NAV3: variants seen among roughly 807,000 people sequenced by gnomAD.
The protein encoded by NAV3 is pore membrane and/or filament interacting like protein 1.
Under a neutral mutation model 244.7 loss-of-function variants are expected in NAV3, and 87 were observed. That is an observed-to-expected ratio of 0.36 (90% CI 0.30 to 0.42). NAV3 has a LOEUF of 0.42. NAV3 is among the 20% of genes least tolerant of loss of function. NAV3 has a pLI of 1.00. For missense variants in NAV3, 2,663 were observed against 2,893.3 expected (o/e 0.92, Z 1.83); for synonymous variants, 1,126 against 1,042.2 (o/e 1.08, Z -1.55).
chr12:77,845,281 T>G (rs1349854044), intron 1 of NAV3, among the ~76,000 whole-genome samples: 1 of 152,172 alleles, frequency 6.6e-6, no homozygotes, highest in East Asian at 1.9e-4. Context: ...AGAGCTCAGA[T>G]GGGTTTGTGC....
intron 12 of NAV3, among the ~76,000 whole-genome samples, chr12:78,112,433 G>C (rs1256978366): frequency 6.6e-6 from 1 of 152,156 alleles, no homozygotes; most frequent in East Asian, 1.9e-4. Context: ...GAAAGAAAGA[G>C]GTTTAATTGA....
At chr12:77,604,629 T>G (rs1337028312) in intron 2 of NAV3, among the ~76,000 whole-genome samples, 1 of 151,986 alleles carries the variant, frequency 6.6e-6, no homozygotes, top group Non-Finnish European at 1.5e-5. Flanking sequence ...AGATACAAAT[T>G]GGGCACTGAA....
intron 1 of NAV3, among the ~76,000 whole-genome samples, chr12:77,911,630 AGATG>A (rs1181349570): frequency 1.3e-5 from 2 of 152,152 alleles, no homozygotes; most frequent in Non-Finnish European, 2.9e-5. Flanking sequence ...AAATACCTAC[AGATG>A]GATGGAGTGA....
chr12:77,607,598 A>G (rs946756518), intron 2 of NAV3, among the ~76,000 whole-genome samples: 2 of 152,080 alleles, frequency 1.3e-5, no homozygotes, highest in African/African-American at 4.8e-5. Flanking sequence ...AGCCAAAACC[A>G]GTATGGTGGG....
Position 77,738,574 on chromosome 12 carries a change from TACAC to T in NAV3, c.72+166313_72+166316del, listed in dbSNP as rs527241276. On this transcript the variant is annotated intron_variant, in intron 2 of 8. Transcript: ENST00000550042. ...ATACACACTCTCACATATACTCACA[TACAC>T]ACACGTTGATTTGAATGATGATTAC... 1.3e-4 allele frequency among the ~76,000 whole-genome samples: 20 copies of T among 152,346 alleles called. No homozygotes were observed. In the South Asian group the frequency reaches 3.9e-3, roughly 30 times the overall value.
At chr12:78,014,497 T>G (rs1593280947) in intron 8 of NAV3, among the ~76,000 whole-genome samples, 1 of 151,998 alleles carries the variant, frequency 6.6e-6, no homozygotes, top group Non-Finnish European at 1.5e-5. Context: ...GAATTTAGAG[T>G]TTTTCCTTCT....
chr12:77,758,349 A>G (rs1005717419), intron 2 of NAV3, among the ~76,000 whole-genome samples: 1 of 152,186 alleles, frequency 6.6e-6, no homozygotes, highest in Admixed American at 6.5e-5. Context: ...TATTTTGTTC[A>G]TTGTACAGCC....
chr12:77,862,951 T>C (rs1011606802), intron 1 of NAV3, among the ~76,000 whole-genome samples: 2 of 151,742 alleles, frequency 1.3e-5, no homozygotes, highest in Admixed American at 6.6e-5. Flanking sequence ...TGGAATAAAG[T>C]GTTCCATTTC....
intron 5 of NAV3, among the ~76,000 whole-genome samples, chr12:77,991,246 A>C (rs946164258): frequency 1.6e-4 from 24 of 151,888 alleles, no homozygotes; most frequent in African/African-American, 5.8e-4. Flanking sequence ...GGCTGGTCTC[A>C]AAATCCTGAC....
chr12:78,172,423 C>T (rs1329315171), intron 24 of NAV3, among the ~76,000 whole-genome samples: 4 of 151,468 alleles, frequency 2.6e-5, no homozygotes, highest in Non-Finnish European at 4.4e-5. Flanking sequence ...AAAATAGATA[C>T]GGTCTTTGTC....
At chr12:78,117,956 AT>A in intron 13 of NAV3, 70 bp from the exon 14 acceptor site, 1 of 1,373,460 alleles carries the variant, frequency 7.3e-7, no homozygotes, top group Non-Finnish European at 9.7e-7. Flanking sequence ...CTGAAAGTAC[AT>A]TTCATTGCCT....
intron 2 of NAV3, among the ~76,000 whole-genome samples, chr12:77,696,772 A>C (rs1461928227): frequency 6.6e-6 from 1 of 152,106 alleles, no homozygotes; most frequent in Non-Finnish European, 1.5e-5. Flanking sequence ...TAGGCTTCCT[A>C]CTCTCATTGT....
At chr12:78,164,940 A>G (rs529047240) in intron 23 of NAV3, among the ~76,000 whole-genome samples, 1 of 152,094 alleles carries the variant, frequency 6.6e-6, no homozygotes, top group Non-Finnish European at 1.5e-5. Flanking sequence ...GAAAGAGATC[A>G]GGTATAGTTA....
chr12:77,931,912 TTGTGTG>T (rs10618242), intron 1 of NAV3, among the ~76,000 whole-genome samples: 4 of 150,570 alleles, frequency 2.7e-5, no homozygotes, highest in African/African-American at 4.9e-5. Flanking sequence ...GCGTGTGTGT[TTGTGTG>T]TGTGTGTGTG....
At chr12:78,165,316 C>T (rs1957733107) in intron 23 of NAV3, among the ~76,000 whole-genome samples, 1 of 151,912 alleles carries the variant, frequency 6.6e-6, no homozygotes, top group South Asian at 2.1e-4. Flanking sequence ...ATTATCCCAG[C>T]CTCAATCTTC....
chr12:77,757,103 T>C (rs1035477239), intron 2 of NAV3, among the ~76,000 whole-genome samples: 6 of 152,306 alleles, frequency 3.9e-5, no homozygotes, highest in East Asian at 1.9e-4. Flanking sequence ...CCTCTTAAAG[T>C]CTTTTTCATC....
chr12:77,958,317 T>G (rs1292084519), intron 3 of NAV3, among the ~76,000 whole-genome samples: 1 of 152,188 alleles, frequency 6.6e-6, no homozygotes, highest in African/African-American at 2.4e-5. Context: ...GTCTCGAAAT[T>G]GATCTCTGTA....
At chr12:78,042,531 G>T (rs535288040) in intron 9 of NAV3, among the ~76,000 whole-genome samples, 1 of 152,160 alleles carries the variant, frequency 6.6e-6, no homozygotes, top group African/African-American at 2.4e-5. Context: ...GGTGGCTCAC[G>T]CCTGAAATCC....
At chr12:77,886,804 C>G (rs1386632238) in intron 1 of NAV3, among the ~76,000 whole-genome samples, 1 of 152,002 alleles carries the variant, frequency 6.6e-6, no homozygotes, top group Non-Finnish European at 1.5e-5. Flanking sequence ...CTGAAATAAG[C>G]TATAATATTG....
Sources: gnomAD v4.1 joint callset for allele counts (sites outside exome capture counted in the v4.1 genomes callset) on GRCh38, gnomAD v4.1.1 for gene constraint, MANE v1.5 for transcripts, NCBI Gene and HGNC (gene_info 2026-07-23, HGNC 2026-07-21) for gene names.